Variants in ZNF718 observed in about 807,000 individuals in gnomAD.
The protein encoded by ZNF718 is zinc finger protein 718.
In ZNF718, 3 loss-of-function variants were observed where a neutral mutation model predicts 2.6. That is an observed-to-expected ratio of 1.16 (90% CI 0.53 to 3.01). The LOEUF (loss-of-function observed/expected upper bound fraction) is 3.01, where lower values mean the gene tolerates loss of function less well. ZNF718 is among the 30% of genes most tolerant of loss of function. The pLI is 0.03. For synonymous variants in ZNF718, 135 were observed against 77.9 expected (o/e 1.73, Z -3.86); for missense variants, 468 against 230.0 (o/e 2.03, Z -6.69).
At chr4:189,514 ATTAG>A (rs1408646452) in intron 3 of ZNF718, among the ~76,000 whole-genome samples, 2 of 152,286 alleles carry the variant, frequency 1.3e-5, no homozygotes, top group East Asian at 1.9e-4. Context: ...AATAAACTTT[ATTAG>A]TTCAAGTAAG....
intron 1 of ZNF718, 170 bp downstream of exon 1, chr4:124,843 C>A: frequency 1.2e-6 from 1 of 826,052 alleles, no homozygotes; most frequent in Non-Finnish European, 1.9e-6. Flanking sequence ...GCGGCTCTGG[C>A]CCAGCCTGCA....
At chr4:146,682 A>G (rs1251416377) in intron 3 of ZNF718, among the ~76,000 whole-genome samples, 3 of 152,046 alleles carry the variant, frequency 2.0e-5, no homozygotes, top group African/African-American at 7.2e-5. Flanking sequence ...ATGGTTTATC[A>G]TATAGCATGG....
At chr4:193,348 T>A (rs1285281169) in intron 3 of ZNF718, among the ~76,000 whole-genome samples, 1 of 152,130 alleles carries the variant, frequency 6.6e-6, no homozygotes, top group Non-Finnish European at 1.5e-5. Flanking sequence ...TCCTGGTGTT[T>A]GTTAGGTGTT....
intron 3 of ZNF718, among the ~76,000 whole-genome samples, chr4:158,300 G>T (rs2108800821): frequency 6.6e-6 from 1 of 151,694 alleles, no homozygotes. Flanking sequence ...GTTGGATCTT[G>T]TTTTTTTAAT....
chr4:138,482 A>G lies in ZNF718; in HGVS notation c.226+6977A>G, dbSNP rs28870488. 6.4e-3 allele frequency among the ~76,000 whole-genome samples: 970 copies of G among 152,292 alleles called. 14 individuals carry two copies. Among genetic ancestry groups the G allele is most frequent in the African/African-American group, 0.022 (920 of 41,546 alleles). On this transcript the variant is annotated intron_variant, in intron 3 of 3. Transcript: ENST00000510175. ...GGATCTTGTTCTTTTTTATGATTGA[A>G]AAGTACTCTGTTATGTATGTGCACC...
At chr4:191,640 A>G (rs782439828) in intron 3 of ZNF718, among the ~76,000 whole-genome samples, 2 of 152,182 alleles carry the variant, frequency 1.3e-5, no homozygotes, top group East Asian at 3.9e-4. Flanking sequence ...AAAAATAAAT[A>G]TAAATGGAAA....
chr4:139,890 G>A (rs987681869), intron 3 of ZNF718, among the ~76,000 whole-genome samples: 4 of 152,164 alleles, frequency 2.6e-5, no homozygotes, highest in Non-Finnish European at 5.9e-5. Flanking sequence ...ATGGGTTTCC[G>A]TGCAGAGAAG....
intron 3 of ZNF718, among the ~76,000 whole-genome samples, chr4:175,852 C>CTTTTTTTTTTTTTTT (rs1158577358): frequency 1.0e-5 from 1 of 98,932 alleles, no homozygotes; most frequent in African/African-American, 3.8e-5. Context: ...GATTAACAGT[C>CTTTTTTTTTTTTTTT]TTTTTTTTTT....
chr4:134,059 A>C (rs1238241975), intron 3 of ZNF718, among the ~76,000 whole-genome samples: 4 of 152,218 alleles, frequency 2.6e-5, no homozygotes, highest in Non-Finnish European at 5.9e-5. Flanking sequence ...ACAACTAAAA[A>C]TTTGTACTCT....
intron 3 of ZNF718, among the ~76,000 whole-genome samples, chr4:153,731 T>C (rs1385651579): frequency 1.3e-5 from 2 of 152,166 alleles, no homozygotes; most frequent in Non-Finnish European, 2.9e-5. Context: ...AGATGGTATG[T>C]AGCTCAACAC....
At chr4:148,907 T>C (rs543860196) in intron 3 of ZNF718, among the ~76,000 whole-genome samples, 14 of 152,306 alleles carry the variant, frequency 9.2e-5, no homozygotes, top group African/African-American at 3.1e-4. Flanking sequence ...GTGAGAATTA[T>C]TCATATTTCA....
At chr4:152,570 G>A (rs1302481828) in intron 3 of ZNF718, among the ~76,000 whole-genome samples, 1 of 151,384 alleles carries the variant, frequency 6.6e-6, no homozygotes, top group Non-Finnish European at 1.5e-5. Context: ...AGAGAGCACG[G>A]GGTTGGGGGT....
At chr4:167,844 C>T (rs532857571), downstream of ZNF718, among the ~76,000 whole-genome samples, 1 of 152,102 alleles carries the variant, frequency 6.6e-6, no homozygotes, top group Non-Finnish European at 1.5e-5. Flanking sequence ...TGCTTTATTT[C>T]TTTCTCCTGC....
chr4:159,162 G>A (rs949177912), intron 3 of ZNF718, among the ~76,000 whole-genome samples: 32 of 150,854 alleles, frequency 2.1e-4, no homozygotes, highest in East Asian at 2.0e-4. Flanking sequence ...TCAGCCTCCC[G>A]AGTAGCTGGG....
intron 3 of ZNF718, among the ~76,000 whole-genome samples, chr4:153,042 G>GAAA (rs1716401603): frequency 6.7e-6 from 1 of 150,246 alleles, no homozygotes; most frequent in African/African-American, 2.4e-5. Flanking sequence ...TATATGTTTG[G>GAAA]GTTTCCCAAA....
chr4:171,875 T>G (rs1717242420), intron 3 of ZNF718, among the ~76,000 whole-genome samples: 1 of 152,124 alleles, frequency 6.6e-6, no homozygotes, highest in African/African-American at 2.4e-5. Context: ...CAACACTCCC[T>G]AGTGAGATGA....
At chr4:146,525 A>G (rs899150403) in intron 3 of ZNF718, among the ~76,000 whole-genome samples, 2 of 152,044 alleles carry the variant, frequency 1.3e-5, no homozygotes, top group Non-Finnish European at 2.9e-5. Flanking sequence ...GTTTTTTATC[A>G]AGTTCTTCTT....
At chr4:189,867 T>C (rs575973274) in intron 3 of ZNF718, among the ~76,000 whole-genome samples, 22 of 152,320 alleles carry the variant, frequency 1.4e-4, no homozygotes, top group African/African-American at 5.3e-4. Flanking sequence ...CTATTTAAGT[T>C]GTCACTTTTT....
intron 3 of ZNF718, among the ~76,000 whole-genome samples, chr4:134,134 T>C (rs1715450506): frequency 6.6e-6 from 1 of 152,052 alleles, no homozygotes; most frequent in Admixed American, 6.6e-5. Flanking sequence ...AATGTTAAAG[T>C]TTTTTTGTTT....
Sources: allele counts gnomAD v4.1 joint callset (sites outside exome capture counted in the v4.1 genomes callset), GRCh38; gene constraint gnomAD v4.1.1; transcripts MANE v1.5; gene names NCBI Gene and HGNC (gene_info 2026-07-23, HGNC 2026-07-21).